Variants in PLEKHA8 observed in about 807,000 individuals in gnomAD.
PLEKHA8 encodes the protein pleckstrin homology domain containing A8, also known as pleckstrin homology domain-containing family A member 8.
Under a neutral mutation model 68.2 loss-of-function variants are expected in PLEKHA8, and 36 were observed. The ratio of observed to expected loss-of-function variants is 0.53; its 90% CI spans 0.40 to 0.70. The LOEUF (loss-of-function observed/expected upper bound fraction) is 0.70, where lower values mean the gene tolerates loss of function less well. PLEKHA8 is among the 30% of genes least tolerant of loss of function. The probability of loss-of-function intolerance (pLI) is 0.00; values close to 1 mark genes in which losing one functional copy is unlikely to be tolerated. For synonymous variants in PLEKHA8, 211 were observed against 216.1 expected, an observed-to-expected ratio of 0.98 and a Z score of 0.20; for missense variants, 505 against 615.4, an observed-to-expected ratio of 0.82 and a Z score of 1.90.
chr7:30,048,583 G>T (rs1287908883), intron 4 of PLEKHA8, among the ~76,000 whole-genome samples: 1 of 152,140 alleles, frequency 6.6e-6, no homozygotes, highest in Non-Finnish European at 1.5e-5. Flanking sequence ...GATTTCTCTG[G>T]TGTTAAGCTA....
At chr7:30,055,818 G>A (rs1419467894) in intron 9 of PLEKHA8, among the ~76,000 whole-genome samples, 2 of 151,892 alleles carry the variant, frequency 1.3e-5, no homozygotes, top group Non-Finnish European at 2.9e-5. Flanking sequence ...GCGCATGCCC[G>A]GCTAATTTTT....
At chr7:30,054,677 T>G (rs372959594) in intron 7 of PLEKHA8, 32 bp from the exon 8 acceptor site, 8 of 1,343,868 alleles carry the variant, frequency 6.0e-6, no homozygotes, top group Non-Finnish European at 7.9e-6. Context: ...AAATATATAA[T>G]AGGTTAGTAA....
At chr7:30,098,444 C>G (rs1583466676) in intron 13 of PLEKHA8, among the ~76,000 whole-genome samples, 1 of 152,276 alleles carries the variant, frequency 6.6e-6, no homozygotes, top group Non-Finnish European at 1.5e-5. Flanking sequence ...CAGAGGCAGG[C>G]AGGCCTCCTT....
At position 30,082,942 on chromosome 7, in the gene PLEKHA8, T is replaced by G. The variant is rs117023309; in HGVS notation, c.*4155T>G. ...AAGAACTTGGTTATATAATGGTGCG[T>G]CTCTGAATCACTGATTAAAACCAGT... On this transcript the variant is annotated 3_prime_UTR_variant, in exon 14 of 14. Coordinates refer to ENST00000449726, the MANE Select transcript of PLEKHA8 (RefSeq NM_001197026.2). The G allele has an allele frequency of 0.042, 41,614 of 985,276 alleles. 964 individuals carry two copies. The highest frequency in any genetic ancestry group is 0.046 in the Non-Finnish European group (37,810 of 829,804). 61.0% of individuals were successfully genotyped at this position (985,276 alleles called of 1,614,324 possible).
rs1478738648 is a variant in PLEKHA8 at position 30,047,877 on chromosome 7, T to C, written c.359T>C (p.Leu120Pro). 1 of 1,609,834 alleles carries C rather than the reference T, an allele frequency of 6.2e-7. No homozygotes were observed. The highest frequency in any genetic ancestry group is 1.7e-5 in the Admixed American group (1 of 59,850). Residue 120 changes from leucine (L) to proline (P), a missense_variant, in exon 4 of 14, where the codon CTA (leucine) becomes CCA (proline). By Grantham distance (98) the Leu-to-Pro change is moderately conservative. Coordinates refer to ENST00000449726, the MANE Select transcript of PLEKHA8 (RefSeq NM_001197026.2). The stretch of plus-strand genomic sequence containing the variant: ...AACTTGAAAACCAAAATGTCAGAAC[T>C]AAGACTCTACTGTGACCTCCTTGTT... ...TENLKTKMSE[L>P]RLYCDLLVQQ...
chr7:30,082,596 C>T lies in PLEKHA8; in HGVS notation c.*3809C>T, dbSNP rs1794997065. On this transcript the variant is annotated 3_prime_UTR_variant, in exon 14 of 14. Coordinates refer to ENST00000449726, the MANE Select transcript of PLEKHA8 (RefSeq NM_001197026.2). ...TGCACTCTTCTCCTTTTGGTTATTACTTTCCAAATATATTAACAAAAAGTT... is the reference window on the plus strand; with the variant it reads ...TGCACTCTTCTCCTTTTGGTTATTATTTTCCAAATATATTAACAAAAAGTT... The T allele has an allele frequency of 3.0e-6, 3 of 985,176 alleles. No homozygotes were observed. Among genetic ancestry groups the T allele is most frequent in the East Asian group, 2.3e-4 (2 of 8,810 alleles). The allele number at this position is 985,176 out of a possible 1,614,324, so 61.0% of individuals were successfully genotyped here. A position where few individuals can be genotyped will look rare whatever the true frequency, so the allele number is the denominator to read the frequency against.
At position 30,080,678 on chromosome 7, in the gene PLEKHA8, A is replaced by G. The variant is rs973617342; in HGVS notation, c.*1891A>G. The G allele has an allele frequency of 1.2e-5, 12 of 984,982 alleles. No individual in the cohort carries two copies. The highest frequency in any genetic ancestry group is 5.2e-5 in the African/African-American group (3 of 57,242). The allele number at this position is 984,982 out of a possible 1,614,324, so 61.0% of individuals were successfully genotyped here. On this transcript the variant is annotated 3_prime_UTR_variant, in exon 14 of 14. Coordinates refer to ENST00000449726, the MANE Select transcript of PLEKHA8 (RefSeq NM_001197026.2). ...AAAGCTAGGGAGAAAGAAGGGGGGT[A>G]TTAAAATGATGTTGATTATTTTGTA...
intron 9 of PLEKHA8, among the ~76,000 whole-genome samples, chr7:30,059,922 G>A (rs894299025): frequency 8.5e-5 from 13 of 152,196 alleles, no homozygotes; most frequent in Non-Finnish European, 1.5e-4. Context: ...GGTGGCTCAC[G>A]CCTGTAATCC....
intron 9 of PLEKHA8, among the ~76,000 whole-genome samples, chr7:30,057,102 A>T (rs924385674): frequency 2.6e-5 from 4 of 151,998 alleles, no homozygotes; most frequent in Non-Finnish European, 5.9e-5. Context: ...CTTAACTGTT[A>T]TGATTCAGTG....
chr7:30,119,466 G>A (rs1292134523), intron 13 of PLEKHA8, among the ~76,000 whole-genome samples: 1 of 152,168 alleles, frequency 6.6e-6, no homozygotes, highest in East Asian at 1.9e-4. Context: ...TCTCAAAGCC[G>A]TGCATTACAT....
rs1053840796 is a variant in PLEKHA8 at position 30,115,753 on chromosome 7, CACAT to C, written c.1363-13508_1363-13505del. On this transcript the variant is annotated intron_variant, in intron 13 of 13. Transcript: ENST00000396257. ...ACACGTATACATGTATACATACGTGCACATACATGTATACACGTATGCATGCATA... is the reference window on the plus strand; with the variant it reads ...ACACGTATACATGTATACATACGTGCACATGTATACACGTATGCATGCATA... The C allele has an allele frequency of 2.0e-5, 3 of 147,808 alleles. 1 individual carries two copies. The highest frequency in any genetic ancestry group is 2.0e-4 in the East Asian group (1 of 4,912). The allele number at this position is 147,808 out of a possible 1,614,324, so 9.2% of individuals were successfully genotyped here.
rs145496980 is a variant in PLEKHA8 at position 30,055,817 on chromosome 7, C to T, written c.1039+475C>T. ...GGTAGCTGGACTATATGCGCATGCCCGGCTAATTTTTGTATTTTTTGTGGA... is the reference window on the plus strand; with the variant it reads ...GGTAGCTGGACTATATGCGCATGCCTGGCTAATTTTTGTATTTTTTGTGGA... On this transcript the variant is annotated intron_variant, in intron 9 of 13. Coordinates refer to ENST00000449726, the MANE Select transcript of PLEKHA8 (RefSeq NM_001197026.2). Among the ~76,000 whole-genome samples, 759 of 152,112 alleles carry T rather than the reference C, an allele frequency of 5.0e-3. 11 individuals are homozygous for T. The highest frequency in any genetic ancestry group is 0.017 in the African/African-American group (704 of 41,490).
Position 30,046,016 on chromosome 7 carries a change from T to C in PLEKHA8, c.158-194T>C, listed in dbSNP as rs547715561. Among the ~76,000 whole-genome samples, 15 of 152,346 alleles carry C rather than the reference T, an allele frequency of 9.8e-5. No individual in the cohort carries two copies. The East Asian group carries it at 2.9e-3, about 29-fold the overall frequency. On this transcript the variant is annotated intron_variant, in intron 2 of 13. Coordinates refer to ENST00000449726, the MANE Select transcript of PLEKHA8 (RefSeq NM_001197026.2). ...GGAGGCAATTGCAAGGTTTTCCCTC[T>C]TGATTAACAGAGACATCTAAGATGA...
intron 13 of PLEKHA8, among the ~76,000 whole-genome samples, chr7:30,077,421 C>G (rs761231014): frequency 1.3e-5 from 2 of 152,106 alleles, no homozygotes; most frequent in Non-Finnish European, 2.9e-5. Flanking sequence ...TTTTCCCACT[C>G]GCTTGTACTT....
intron 7 of PLEKHA8, among the ~76,000 whole-genome samples, chr7:30,053,852 C>T (rs983648678): frequency 2.6e-5 from 4 of 152,136 alleles, no homozygotes; most frequent in Non-Finnish European, 5.9e-5. Flanking sequence ...AGGTTAGGTT[C>T]CTGCAAGACT....
At chr7:30,096,838 A>G (rs1485415618) in intron 13 of PLEKHA8, among the ~76,000 whole-genome samples, 1 of 152,100 alleles carries the variant, frequency 6.6e-6, no homozygotes, top group African/African-American at 2.4e-5. Flanking sequence ...TAAGGTCAAT[A>G]TTGTTATGTG....
chr7:30,090,320 T>C (rs1321458581), exon 13 of PLEKHA8: 2 of 1,000,476 alleles, frequency 2.0e-6, no homozygotes, highest in African/African-American at 3.3e-5. Context: ...GGGGAGTATT[T>C]CCGAAGTTCT....
At position 30,083,039 on chromosome 7, in the gene PLEKHA8, AATCT is replaced by A; in HGVS notation, c.*4256_*4259del. On this transcript the variant is annotated 3_prime_UTR_variant, in exon 14 of 14. Transcript: ENST00000449726. ...CATGTTTCATTTCTTTTTTTAAGAT[AATCT>A]ATCAACCTTTTTTAAATTTTAAAAT... 1 of 982,576 alleles carries A rather than the reference AATCT, an allele frequency of 1.0e-6. No individual in the cohort carries two copies. The highest frequency in any genetic ancestry group is 1.2e-6 in the Non-Finnish European group (1 of 827,366). The allele number at this position is 982,576 out of a possible 1,614,324, so 60.9% of individuals were successfully genotyped here.
intron 1 of PLEKHA8, among the ~76,000 whole-genome samples, chr7:30,034,874 A>G (rs1051409387): frequency 5.9e-5 from 9 of 151,302 alleles, no homozygotes; most frequent in African/African-American, 2.0e-4. Context: ...TGATTTATCA[A>G]TTTTTTCTTT....
Sources: gnomAD v4.1 joint callset for allele counts (sites outside exome capture counted in the v4.1 genomes callset) on GRCh38, gnomAD v4.1.1 for gene constraint, MANE v1.5 for transcripts, NCBI Gene and HGNC (gene_info 2026-07-23, HGNC 2026-07-21) for gene names.